Variants in ASAH1 observed in about 807,000 individuals in gnomAD.
ASAH1 encodes the protein N-acylsphingosine amidohydrolase 1.
A neutral mutation model predicts 59.5 loss-of-function variants in ASAH1; 70 were observed. The observed-to-expected ratio is 1.18, with a 90% CI of 0.97 to 1.43. The LOEUF (loss-of-function observed/expected upper bound fraction) is 1.43, where lower values mean the gene tolerates loss of function less well. Ranked by LOEUF, ASAH1 falls within the 40% of genes most tolerant of loss-of-function variation. ASAH1 has a pLI of 0.00. For synonymous variants in ASAH1, 213 were observed against 166.5 expected, an observed-to-expected ratio of 1.28 and a Z score of -2.15; for missense variants, 660 against 482.5, an observed-to-expected ratio of 1.37 and a Z score of -3.45.
At chr8:18,061,237 C>A in intron 10 of ASAH1, 140 bp downstream of exon 10, 1 of 688,050 alleles carries the variant, frequency 1.5e-6, no homozygotes, top group Non-Finnish European at 2.5e-6. Context: ...TGAGTAATTC[C>A]ACATGAGTGT....
In ASAH1 at chr8:18,084,008, G is replaced by A. The variant is rs779123631; in HGVS notation, c.51C>T (p.Ser17=). ...GCGGCGCGTGCTGCGCGACGGCACA[G>A]CTGACGGCGGCAGCCAGGAGGACTA... ...VALVLLAAAV[S]CAVAQHAPPW... is the part of the protein sequence containing the mutation. Residue 17 remains serine, a synonymous_variant, in exon 1 of 14, where the codon AGC becomes AGT. Coordinates refer to ENST00000637790, the MANE Select transcript of ASAH1 (RefSeq NM_177924.5). 6.3e-7 allele frequency: 1 copy of A among 1,598,250 alleles called. No homozygotes were observed. Among genetic ancestry groups the A allele is most frequent in the South Asian group, 1.1e-5 (1 of 91,066 alleles).
At chr8:18,070,092 T>A (rs1475639197) in intron 3 of ASAH1, among the ~76,000 whole-genome samples, 1 of 152,134 alleles carries the variant, frequency 6.6e-6, no homozygotes, top group South Asian at 2.1e-4. Flanking sequence ...GCGATTCTCC[T>A]GCCTCAGCCT....
Position 18,069,873 on chromosome 8 carries a change from C to G in ASAH1, c.222G>C (p.Lys74Asn), listed in dbSNP as rs184246775. Residue 74 changes from lysine (K) to asparagine (N), a missense_variant, in exon 4 of 14, where the codon AAG becomes AAC. Coordinates refer to ENST00000637790, the MANE Select transcript of ASAH1 (RefSeq NM_177924.5). ...TATTCTTCAGAGAATTCACTATAAC[C>G]TTTAGCTGAAAAATAAATAAAATGC... Reference protein sequence around the residue: ...ELMLDKAPVLKVIVNSLKNMI... With the variant: ...ELMLDKAPVLNVIVNSLKNMI... 1 of 1,577,234 alleles carries G rather than the reference C, an allele frequency of 6.3e-7. No individual in the cohort carries two copies. The highest frequency in any genetic ancestry group is 1.7e-5 in the Admixed American group (1 of 59,870).
chr8:18,062,427 T>C lies in ASAH1; in HGVS notation c.504-4A>G, dbSNP rs138920776. The C allele has an allele frequency of 3.6e-4, 576 of 1,614,000 alleles. No individual in the cohort carries two copies. Among genetic ancestry groups the C allele is most frequent in the Non-Finnish European group, 4.6e-4 (540 of 1,179,902 alleles). ...GGTATCATTATTTATGTTCCACCTA[T>C]AAAAGACATGTTTCAGTGACATTTC... On this transcript the variant is annotated splice_polypyrimidine_tract_variant and splice_region_variant and intron_variant, in intron 7 of 13. Transcript: ENST00000637790.
At position 18,056,054 on chromosome 8, in the gene ASAH1, T is replaced by A. The variant is rs1267181514; in HGVS notation, c.*1480A>T. On this transcript the variant is annotated 3_prime_UTR_variant, in exon 14 of 14. Transcript: ENST00000637790. Reference sequence around the variant, plus strand: ...GTTATTACATTAACAAAAAAATACATCAAGTTGACCTGACTTCATTTATGT... The same window carrying A: ...GTTATTACATTAACAAAAAAATACAACAAGTTGACCTGACTTCATTTATGT... 1 of 152,198 alleles carries A rather than the reference T, an allele frequency of 6.6e-6. No homozygotes were observed. The highest frequency in any genetic ancestry group is 1.9e-4 in the East Asian group (1 of 5,204). 9.4% of individuals were successfully genotyped at this position (152,198 alleles called of 1,614,324 possible). A position where few individuals can be genotyped will look rare whatever the true frequency, so the allele number is the denominator to read the frequency against.
intron 9 of ASAH1, 75 bp from the exon 10 acceptor site, chr8:18,061,533 G>T: frequency 6.9e-7 from 1 of 1,447,600 alleles, no homozygotes; most frequent in Non-Finnish European, 9.7e-7. Context: ...GGAAGAGGCT[G>T]GACTATATAA....
chr8:18,067,083 T>C, intron 5 of ASAH1, 137 bp downstream of exon 5: 2 of 198,724 alleles, frequency 1.0e-5, no homozygotes, highest in South Asian at 5.5e-5. Context: ...TTCACTGAGC[T>C]GTATATCTAA....
At chr8:18,074,852 T>G (rs1230225246) in intron 2 of ASAH1, among the ~76,000 whole-genome samples, 1 of 152,232 alleles carries the variant, frequency 6.6e-6, no homozygotes, top group East Asian at 1.9e-4. Flanking sequence ...TGAGGGCCTA[T>G]GCTTTTTTGT....
At chr8:18,062,476 CA>C in intron 7 of ASAH1, 53 bp from the exon 8 acceptor site, 1 of 1,600,600 alleles carries the variant, frequency 6.2e-7, no homozygotes, top group Non-Finnish European at 8.6e-7. Flanking sequence ...TAGTAATGAT[CA>C]ACATGATGAT....
intron 10 of ASAH1, 133 bp from the exon 11 acceptor site, chr8:18,059,836 A>G: frequency 1.1e-6 from 1 of 893,738 alleles, no homozygotes; most frequent in Non-Finnish European, 1.7e-6. Flanking sequence ...ATAGGTACAC[A>G]CGTGCCATGG....
intron 2 of ASAH1, 155 bp downstream of exon 2, chr8:18,075,385 TG>T: frequency 1.2e-6 from 1 of 819,048 alleles, no homozygotes; most frequent in Non-Finnish European, 2.1e-6. Context: ...CTCAGCCAAA[TG>T]CATAATAAAC....
chr8:18,083,882 C>T, intron 1 of ASAH1, 99 bp downstream of exon 1: 2 of 1,532,106 alleles, frequency 1.3e-6, no homozygotes, highest in South Asian at 1.2e-5. Context: ...CTGCCCAGCA[C>T]GAGGTGTTCC....
rs548401108 is a variant in ASAH1 at position 18,070,351 on chromosome 8, T to C, written c.217-473A>G. 4.6e-5 allele frequency among the ~76,000 whole-genome samples: 7 copies of C among 152,000 alleles called. No individual in the cohort carries two copies. The South Asian group carries it at 1.5e-3, about 33-fold the overall frequency. On this transcript the variant is annotated intron_variant, in intron 3 of 13. Transcript: ENST00000637790. ...TTTTAGTAGAGACGGGGTTTCACCA[T>C]CTTGGCCAGGCTGGTCTCGAACTCC...
chr8:18,073,287 A>T (rs1263793740), intron 2 of ASAH1: 1 of 1,574,800 alleles, frequency 6.4e-7, no homozygotes, highest in Non-Finnish European at 8.7e-7. Context: ...CTATATGAAA[A>T]ATGCAAAAAT....
At chr8:18,084,410 TGGCGCCTCGATGG>T, upstream of ASAH1, 1 of 1,391,352 alleles carries the variant, frequency 7.2e-7, no homozygotes, top group Non-Finnish European at 9.3e-7. Flanking sequence ...GCTTCACCCG[TGGCGCCTCGATGG>T]GGCGCCTCTA....
intron 10 of ASAH1, chr8:18,059,953 C>G (rs561169832): frequency 5.0e-6 from 2 of 403,684 alleles, no homozygotes; most frequent in African/African-American, 4.1e-5. Flanking sequence ...CTGACAGGCC[C>G]TGGTGCGTGA....
At position 18,064,344 on chromosome 8, in the gene ASAH1, A is replaced by G. The variant is rs149060722; in HGVS notation, c.457+113T>C. 4.6e-4 allele frequency: 383 copies of G among 830,480 alleles called. No individual in the cohort carries two copies. The African/African-American group carries it at 6.2e-3, about 13-fold the overall frequency. 51.4% of individuals were successfully genotyped at this position (830,480 alleles called of 1,614,324 possible). Reference sequence around the variant, plus strand: ...ACCAAGAAATAAAAAGCTGTATGCAACATACACAGAATTTACATAGCAAGC... The same window carrying G: ...ACCAAGAAATAAAAAGCTGTATGCAGCATACACAGAATTTACATAGCAAGC... On this transcript the variant is annotated intron_variant, in intron 6 of 13. Coordinates refer to ENST00000637790, the MANE Select transcript of ASAH1 (RefSeq NM_177924.5).
intron 1 of ASAH1, among the ~76,000 whole-genome samples, chr8:18,079,165 C>G (rs34723173): frequency 1.3e-5 from 2 of 150,482 alleles, no homozygotes; most frequent in African/African-American, 2.4e-5. Flanking sequence ...CCTAGGTACT[C>G]GGAAGGCTGA....
intron 5 of ASAH1, chr8:18,064,887 T>C (rs7834136): frequency 0.64 from 119,979 of 187,228 alleles, 38,958 homozygotes; most frequent in African/African-American, 0.74. Flanking sequence ...GCTGGACATA[T>C]ATTTTGCCCA....
Sources: gnomAD v4.1 joint callset for allele counts (sites outside exome capture counted in the v4.1 genomes callset) on GRCh38, gnomAD v4.1.1 for gene constraint, MANE v1.5 for transcripts, NCBI Gene and HGNC (gene_info 2026-07-23, HGNC 2026-07-21) for gene names.